CDH12: variants seen among roughly 807,000 people sequenced by gnomAD.
The protein encoded by CDH12 is cadherin 12.
CDH12 carries 41 observed loss-of-function variants against 74.1 expected under a neutral mutation model. That is an observed-to-expected ratio of 0.55 (90% CI 0.43 to 0.72). The LOEUF (loss-of-function observed/expected upper bound fraction) is 0.72, where lower values mean the gene tolerates loss of function less well. Ranked by LOEUF, CDH12 falls within the 30% of genes least tolerant of loss-of-function variation. The pLI is 0.00. For synonymous variants in CDH12, 399 were observed against 355.0 expected, an observed-to-expected ratio of 1.12 and a Z score of -1.39; for missense variants, 945 against 977.2, an observed-to-expected ratio of 0.97 and a Z score of 0.44.
At chr5:22,573,787 C>T (rs1414732027) in intron 1 of CDH12, among the ~76,000 whole-genome samples, 5 of 151,932 alleles carry the variant, frequency 3.3e-5, no homozygotes, top group African/African-American at 4.8e-5. Context: ...GAGATTATGT[C>T]TCCTCTCCCA....
In CDH12 at chr5:21,802,198, GAGCA is replaced by G. The variant is rs1464536991; in HGVS notation, c.1221_1224del (p.Ala408LysfsTer5). 1 of 1,613,732 alleles carries G rather than the reference GAGCA, an allele frequency of 6.2e-7. No individual in the cohort carries two copies. On this transcript the variant is annotated frameshift_variant, in exon 10 of 15. Transcript: ENST00000382254. LOFTEE classifies it high-confidence loss of function. ...GCACTGCTGCCTACATCCAGGTCTTGAGCAGTGACAGCGCCAATGATGGTCCCTA... is the reference window on the plus strand; with the variant it reads ...GCACTGCTGCCTACATCCAGGTCTTGGTGACAGCGCCAATGATGGTCCCTA...
At chr5:21,958,653 G>A (rs1398399424) in intron 6 of CDH12, among the ~76,000 whole-genome samples, 2 of 152,040 alleles carry the variant, frequency 1.3e-5, no homozygotes, top group Non-Finnish European at 2.9e-5. Context: ...ATTGGTTTAT[G>A]TCCCTGTTTT....
chr5:22,283,251 T>TACACACAC (rs70959712), intron 3 of CDH12, among the ~76,000 whole-genome samples: 7 of 102,056 alleles, frequency 6.9e-5, no homozygotes, highest in African/African-American at 2.5e-4. Flanking sequence ...TATATATATA[T>TACACACAC]ACACACACAC....
At chr5:21,970,870 A>AAAAAAAAAAAAAAAAAAAAG (rs1756821720) in intron 6 of CDH12, among the ~76,000 whole-genome samples, 1 of 144,586 alleles carries the variant, frequency 6.9e-6, no homozygotes, top group African/African-American at 2.7e-5. Flanking sequence ...AAAAAAAAAA[A>AAAAAAAAAAAAAAAAAAAAG]AAAAGAAAAA....
intron 5 of CDH12, among the ~76,000 whole-genome samples, chr5:22,060,311 C>A (rs778562924): frequency 3.3e-4 from 50 of 150,736 alleles, no homozygotes; most frequent in Non-Finnish European, 6.2e-4. Context: ...CACACTGGGG[C>A]CTGTTGGGGG....
intron 4 of CDH12, among the ~76,000 whole-genome samples, chr5:22,201,369 T>C (rs541539590): frequency 6.6e-6 from 1 of 152,308 alleles, no homozygotes; most frequent in Admixed American, 6.5e-5. Flanking sequence ...TCATGTCTTT[T>C]GTGGCAACAT....
At chr5:22,838,985 T>C (rs2126517726) in intron 1 of CDH12, among the ~76,000 whole-genome samples, 1 of 152,200 alleles carries the variant, frequency 6.6e-6, no homozygotes, top group East Asian at 1.9e-4. Context: ...CCTTAAAATG[T>C]ATAGATTAGC....
intron 1 of CDH12, among the ~76,000 whole-genome samples, chr5:22,589,278 A>C (rs1740562422): frequency 6.6e-6 from 1 of 152,180 alleles, no homozygotes; most frequent in African/African-American, 2.4e-5. Context: ...AGACACGAGG[A>C]ACAAAACTGG....
intron 4 of CDH12, among the ~76,000 whole-genome samples, chr5:22,162,701 A>C (rs1310265719): frequency 6.6e-6 from 1 of 152,010 alleles, no homozygotes; most frequent in Non-Finnish European, 1.5e-5. Context: ...GTTTGTAAAC[A>C]CCCACATCCA....
chr5:21,961,659 A>T (rs1430265924), intron 6 of CDH12, among the ~76,000 whole-genome samples: 1 of 152,174 alleles, frequency 6.6e-6, no homozygotes. Context: ...GGACACAAAA[A>T]TGCCACCAGA....
At chr5:21,791,656 A>T (rs984946242) in intron 10 of CDH12, among the ~76,000 whole-genome samples, 26 of 150,046 alleles carry the variant, frequency 1.7e-4, no homozygotes, top group Non-Finnish European at 3.9e-4. Flanking sequence ...ACCTAATTTC[A>T]TACAATTATG....
chr5:21,940,539 A>G (rs1362393178), intron 6 of CDH12, among the ~76,000 whole-genome samples: 1 of 152,216 alleles, frequency 6.6e-6, no homozygotes, highest in East Asian at 1.9e-4. Flanking sequence ...GCTTGTTCCA[A>G]AAACTCACTG....
chr5:22,235,323 T>C (rs2150377502), intron 3 of CDH12, among the ~76,000 whole-genome samples: 1 of 152,222 alleles, frequency 6.6e-6, no homozygotes, highest in South Asian at 2.1e-4. Flanking sequence ...GGCTCACGTC[T>C]CTATTACAGC....
At chr5:22,609,138 T>G (rs575684783) in intron 1 of CDH12, among the ~76,000 whole-genome samples, 3 of 152,292 alleles carry the variant, frequency 2.0e-5, no homozygotes, top group South Asian at 4.1e-4. Flanking sequence ...TACCCTTTAC[T>G]TTCTCCAAGG....
At chr5:22,385,294 C>A (rs1741951646) in intron 3 of CDH12, among the ~76,000 whole-genome samples, 1 of 152,110 alleles carries the variant, frequency 6.6e-6, no homozygotes, top group Non-Finnish European at 1.5e-5. Flanking sequence ...AGACACAGAT[C>A]TTTCTAAATA....
intron 1 of CDH12, among the ~76,000 whole-genome samples, chr5:22,529,945 TACACTGAGTACACTGAG>T: frequency 6.6e-6 from 1 of 152,286 alleles, no homozygotes; most frequent in South Asian, 2.1e-4. Context: ...TGGGCAACAG[TACACTGAGTACACTGAG>T]ATACCTCAAC....
intron 2 of CDH12, among the ~76,000 whole-genome samples, chr5:22,487,760 G>C (rs146343826): frequency 3.8e-4 from 58 of 152,280 alleles, no homozygotes; most frequent in Non-Finnish European, 7.8e-4. Flanking sequence ...CCTACCACCT[G>C]CATGTGTTTT....
chr5:22,726,871 T>C (rs1744190318), intron 1 of CDH12, among the ~76,000 whole-genome samples: 1 of 151,814 alleles, frequency 6.6e-6, no homozygotes, highest in South Asian at 2.1e-4. Flanking sequence ...GATTATATAT[T>C]CAAATAAAAA....
intron 2 of CDH12, among the ~76,000 whole-genome samples, chr5:22,492,404 A>G (rs1235251792): frequency 6.6e-6 from 1 of 151,310 alleles, no homozygotes; most frequent in Non-Finnish European, 1.5e-5. Flanking sequence ...CAGGAGTGCA[A>G]TGGTATGACT....
Sources: allele counts gnomAD v4.1 joint callset (sites outside exome capture counted in the v4.1 genomes callset), GRCh38; gene constraint gnomAD v4.1.1; transcripts MANE v1.5; gene names NCBI Gene and HGNC (gene_info 2026-07-23, HGNC 2026-07-21).